The following MRPS27 variants were observed in gnomAD, a reference collection of about 807,000 sequenced individuals.
MRPS27 encodes small ribosomal subunit protein mS27.
Under a neutral mutation model 48.9 loss-of-function variants are expected in MRPS27, and 43 were observed. The observed-to-expected ratio is 0.88, with a 90% CI of 0.69 to 1.13. MRPS27 has a LOEUF of 1.13. MRPS27 is among the 50% of genes most tolerant of loss of function. The pLI is 0.00. For synonymous variants in MRPS27, 188 were observed against 171.9 expected (o/e 1.09, Z -0.73); for missense variants, 467 against 476.3 (o/e 0.98, Z 0.18).
chr5:72,318,144 G>C (rs1218358511), intron 1 of MRPS27, among the ~76,000 whole-genome samples: 1 of 152,230 alleles, frequency 6.6e-6, no homozygotes, highest in Non-Finnish European at 1.5e-5. Context: ...GCTGCTTTAA[G>C]TCATTTGTAG....
chr5:72,291,485 C>G (rs56899103), intron 4 of MRPS27, among the ~76,000 whole-genome samples: 3,670 of 152,226 alleles, frequency 0.024, 155 homozygotes, highest in African/African-American at 0.081. Context: ...CATGAAATAA[C>G]ACTAGCTAGC....
chr5:72,306,504 A>G (rs1411052810), intron 2 of MRPS27, among the ~76,000 whole-genome samples: 2 of 152,248 alleles, frequency 1.3e-5, no homozygotes, highest in Non-Finnish European at 2.9e-5. Flanking sequence ...GGATGAAATC[A>G]GCAAATCTAG....
At chr5:72,288,598 G>A (rs567898721) in intron 4 of MRPS27, among the ~76,000 whole-genome samples, 3 of 152,306 alleles carry the variant, frequency 2.0e-5, no homozygotes, top group Non-Finnish European at 2.9e-5. Flanking sequence ...CTATTTTCCA[G>A]TACAGAGCTA....
chr5:72,310,146 T>C (rs1441986994), intron 2 of MRPS27, among the ~76,000 whole-genome samples: 1 of 152,248 alleles, frequency 6.6e-6, no homozygotes, highest in African/African-American at 2.4e-5. Context: ...TATATGTATA[T>C]GCATATGTGT....
intron 4 of MRPS27, chr5:72,295,322 T>C (rs1749947031): frequency 2.1e-6 from 1 of 468,228 alleles, no homozygotes; most frequent in Admixed American, 4.0e-5. Context: ...TAGAGGTCCA[T>C]AAAAAGGGAA....
chr5:72,277,120 A>C (rs1749398980), intron 4 of MRPS27, among the ~76,000 whole-genome samples: 1 of 152,124 alleles, frequency 6.6e-6, no homozygotes, highest in Admixed American at 6.5e-5. Context: ...AAAAAGGTCA[A>C]CATCACTGAT....
At chr5:72,274,523 C>A (rs1160767685) in intron 4 of MRPS27, among the ~76,000 whole-genome samples, 4 of 152,210 alleles carry the variant, frequency 2.6e-5, no homozygotes, top group Admixed American at 1.3e-4. Flanking sequence ...ACGCCTTCTT[C>A]TGGATACCTC....
intron 4 of MRPS27, among the ~76,000 whole-genome samples, chr5:72,263,584 T>C (rs1282306377): frequency 6.7e-6 from 1 of 149,848 alleles, no homozygotes; most frequent in African/African-American, 2.5e-5. Context: ...AATTAATAAA[T>C]GGCAAAGTAC....
At chr5:72,238,380 T>C (rs16876653) in intron 4 of MRPS27, among the ~76,000 whole-genome samples, 103,352 of 152,114 alleles carry the variant, frequency 0.68, 36,396 homozygotes, top group African/African-American at 0.87. Context: ...ACTTCAACAG[T>C]TCATTTTAAT....
At chr5:72,295,409 G>A (rs1043871454) in intron 4 of MRPS27, 122 bp downstream of exon 4, 25 of 720,250 alleles carry the variant, frequency 3.5e-5, no homozygotes, top group Non-Finnish European at 5.7e-5. Flanking sequence ...ATACTCATAT[G>A]AAAAGATCTT....
chr5:72,296,928 C>A (rs1382683568), intron 3 of MRPS27, among the ~76,000 whole-genome samples: 1 of 152,068 alleles, frequency 6.6e-6, no homozygotes, highest in Non-Finnish European at 1.5e-5. Context: ...ATCTCATTGC[C>A]CAATGTCATG....
chr5:72,243,283 CA>C (rs1171937603), intron 4 of MRPS27, among the ~76,000 whole-genome samples: 3 of 152,174 alleles, frequency 2.0e-5, no homozygotes, highest in Non-Finnish European at 4.4e-5. Flanking sequence ...CCAAGAGTGT[CA>C]TGTGACTATT....
intron 7 of MRPS27, chr5:72,229,676 G>A (rs912868043): frequency 6.5e-6 from 1 of 152,686 alleles, no homozygotes. Flanking sequence ...TACCTTTGAT[G>A]TGTTAGGAGT....
intron 4 of MRPS27, 92 bp downstream of exon 4, chr5:72,295,439 G>T (rs1217076118): frequency 9.4e-6 from 8 of 853,054 alleles, no homozygotes; most frequent in Non-Finnish European, 1.5e-5. Context: ...AACTTAGAAG[G>T]TGTCAAAATT....
At chr5:72,242,982 T>C (rs1748401420) in intron 4 of MRPS27, among the ~76,000 whole-genome samples, 2 of 152,152 alleles carry the variant, frequency 1.3e-5, no homozygotes, top group African/African-American at 2.4e-5. Flanking sequence ...CTTTCCACAA[T>C]GTTTATCCGA....
At chr5:72,285,000 A>G (rs1749634994) in intron 4 of MRPS27, among the ~76,000 whole-genome samples, 1 of 152,204 alleles carries the variant, frequency 6.6e-6, no homozygotes, top group South Asian at 2.1e-4. Context: ...ATTGGGCCAG[A>G]GGGTATTGTA....
At chr5:72,221,210 A>G (rs1747731677) in intron 10 of MRPS27, 62 bp from the exon 11 acceptor site, 1 of 1,567,144 alleles carries the variant, frequency 6.4e-7, no homozygotes, top group Non-Finnish European at 8.7e-7. Flanking sequence ...AGATACAAAG[A>G]GGAAAAACTA....
intron 4 of MRPS27, among the ~76,000 whole-genome samples, chr5:72,249,540 C>A (rs563810482): frequency 5.3e-5 from 8 of 151,418 alleles, no homozygotes; most frequent in Non-Finnish European, 8.8e-5. Context: ...CAAAAATTAG[C>A]CTGGCGCAGC....
At position 72,220,674 on chromosome 5, in the gene MRPS27, CCTT is replaced by C. The variant is rs1747715058; in HGVS notation, c.*232_*234del. 4.6e-5 allele frequency: 26 copies of C among 570,596 alleles called. No homozygotes were observed. The South Asian group carries it at 5.6e-4, about 12-fold the overall frequency. 35.3% of individuals were successfully genotyped at this position (570,596 alleles called of 1,614,324 possible). The stretch of plus-strand genomic sequence containing the variant: ...CTCCATTATGAGCCTCAAGAGTCCT[CCTT>C]AAGGTATTCAGCTGGTGACTTCAGT... On this transcript the variant is annotated 3_prime_UTR_variant, in exon 11 of 11. Coordinates refer to ENST00000261413, the MANE Select transcript of MRPS27 (RefSeq NM_015084.3).
Sources: allele counts gnomAD v4.1 joint callset (sites outside exome capture counted in the v4.1 genomes callset), GRCh38; gene constraint gnomAD v4.1.1; transcripts MANE v1.5; gene names NCBI Gene and HGNC (gene_info 2026-07-23, HGNC 2026-07-21).